SH2D4B: variants seen among roughly 807,000 people sequenced by gnomAD.
SH2D4B encodes SH2 domain-containing protein 4B.
Under a neutral mutation model 61.5 loss-of-function variants are expected in SH2D4B, and 45 were observed. The ratio of observed to expected loss-of-function variants is 0.73; its 90% CI spans 0.58 to 0.94. SH2D4B has a LOEUF of 0.94. SH2D4B is among the 40% of genes least tolerant of loss of function. The probability of loss-of-function intolerance (pLI) is 0.00; values close to 1 mark genes in which losing one functional copy is unlikely to be tolerated. For missense variants in SH2D4B, 572 were observed against 574.2 expected (o/e 1.00, Z 0.04); for synonymous variants, 224 against 220.4 (o/e 1.02, Z -0.14).
At chr10:80,544,617 T>G (rs184670386) in intron 1 of SH2D4B, among the ~76,000 whole-genome samples, 2 of 152,382 alleles carry the variant, frequency 1.3e-5, no homozygotes, top group Admixed American at 1.3e-4. Flanking sequence ...CAGGCATGGA[T>G]GTCCTGACCT....
intron 6 of SH2D4B, among the ~76,000 whole-genome samples, chr10:80,617,476 C>T (rs182820204): frequency 7.2e-5 from 11 of 152,318 alleles, no homozygotes; most frequent in East Asian, 3.9e-4. Flanking sequence ...CAAGAGAAGA[C>T]AGACTCCCTG....
intron 1 of SH2D4B, among the ~76,000 whole-genome samples, chr10:80,549,893 T>G (rs1205853077): frequency 6.6e-6 from 1 of 152,178 alleles, no homozygotes; most frequent in African/African-American, 2.4e-5. Context: ...CTGATGGCAC[T>G]TGGTACCTGG....
At chr10:80,562,894 CTTTTTTTTTTTTT>C (rs34539206) in intron 1 of SH2D4B, among the ~76,000 whole-genome samples, 52 of 74,700 alleles carry the variant, frequency 7.0e-4, no homozygotes, top group Non-Finnish European at 1.1e-3. Context: ...AACATTTTTT[CTTTTTTTTTTTTT>C]TTTTTTTTTT....
intron 4 of SH2D4B, among the ~76,000 whole-genome samples, chr10:80,599,553 T>G (rs1842421720): frequency 6.6e-6 from 1 of 152,130 alleles, no homozygotes; most frequent in African/African-American, 2.4e-5. Flanking sequence ...TGTGAAGTGC[T>G]CTGGTCTTAA....
At chr10:80,617,854 G>A (rs184566796) in intron 6 of SH2D4B, among the ~76,000 whole-genome samples, 4 of 152,342 alleles carry the variant, frequency 2.6e-5, no homozygotes, top group Non-Finnish European at 4.4e-5. Context: ...CTCAAATCCA[G>A]CAGAAGAAAG....
chr10:80,609,811 G>T (rs1450495214), intron 6 of SH2D4B, among the ~76,000 whole-genome samples: 1 of 152,130 alleles, frequency 6.6e-6, no homozygotes, highest in Non-Finnish European at 1.5e-5. Flanking sequence ...GCCACCAAGG[G>T]CCCCTCAGAG....
At chr10:80,593,901 C>T (rs1444392480) in intron 4 of SH2D4B, among the ~76,000 whole-genome samples, 1 of 152,176 alleles carries the variant, frequency 6.6e-6, no homozygotes, top group African/African-American at 2.4e-5. Context: ...CGTCAACTGC[C>T]TAGGCTCAAG....
chr10:80,546,022 C>CTCTT (rs202017723), intron 1 of SH2D4B, among the ~76,000 whole-genome samples: 1 of 143,794 alleles, frequency 7.0e-6, no homozygotes, highest in East Asian at 2.0e-4. Context: ...TTCTTTCTTT[C>CTCTT]TCTTTCTTTC....
chr10:80,593,471 T>C (rs528687473), intron 4 of SH2D4B, among the ~76,000 whole-genome samples: 8 of 152,368 alleles, frequency 5.3e-5, no homozygotes, highest in African/African-American at 1.7e-4. Flanking sequence ...ATAAATAGAA[T>C]AGTTTTCTTA....
At chr10:80,546,523 G>A (rs921450893) in intron 1 of SH2D4B, among the ~76,000 whole-genome samples, 1 of 131,892 alleles carries the variant, frequency 7.6e-6, no homozygotes, top group Non-Finnish European at 1.6e-5. Context: ...AATAGCATAC[G>A]GTATTTTTTT....
Position 80,588,701 on chromosome 10 carries a change from G to C in SH2D4B, c.567G>C (p.Glu189Asp). Residue 189 changes from glutamate (E) to aspartate (D), a missense_variant, in exon 4 of 8, where the codon GAG (glutamate) becomes GAC (aspartate). Physicochemically the swap from Glu to Asp is conservative, Grantham distance 45 (BLOSUM62 2). Transcript: ENST00000646907. The stretch of plus-strand genomic sequence containing the variant: ...TCCAGGAAGAGCAGAGGGCGAAGGA[G>C]CTCTACTGGACCCTGAAGCAGGCTC... ...IRLQEEQRAK[E>D]LYWTLKQAQL... 1 of 1,614,096 alleles carries C rather than the reference G, an allele frequency of 6.2e-7. No individual in the cohort carries two copies. The highest frequency in any genetic ancestry group is 8.5e-7 in the Non-Finnish European group (1 of 1,180,042).
In SH2D4B at chr10:80,603,613, C is replaced by T; in HGVS notation, c.678C>T (p.Ser226=). The change falls in exon 5 of 8, where the codon AGC becomes AGT. Residue 226 remains serine (S), a synonymous_variant. Transcript: ENST00000646907. ...RRSKAADEER[S]RRAQRARDEY... ...CCAAGGCGGCTGATGAGGAGAGGAG[C>T]CGCCGAGCCCAGCGCGCCCGGGACG... 2 of 1,575,478 alleles carry T rather than the reference C, an allele frequency of 1.3e-6. No homozygotes were observed. The highest frequency in any genetic ancestry group is 8.6e-7 in the Non-Finnish European group (1 of 1,160,874).
At chr10:80,564,117 T>C (rs532499111) in intron 1 of SH2D4B, among the ~76,000 whole-genome samples, 1 of 152,356 alleles carries the variant, frequency 6.6e-6, no homozygotes, top group Admixed American at 6.5e-5. Flanking sequence ...GTCTTTATGA[T>C]GTGTTTTTTG....
chr10:80,620,030 T>G (rs1842700590), intron 6 of SH2D4B, among the ~76,000 whole-genome samples: 2 of 152,240 alleles, frequency 1.3e-5, no homozygotes, highest in Non-Finnish European at 2.9e-5. Flanking sequence ...AACAGCAGTC[T>G]GCTGAGAGAC....
chr10:80,575,898 A>G (rs549514394), intron 3 of SH2D4B, among the ~76,000 whole-genome samples: 2 of 152,208 alleles, frequency 1.3e-5, no homozygotes, highest in Non-Finnish European at 2.9e-5. Context: ...TTCAAATCCA[A>G]CCCACAGTGG....
At chr10:80,564,920 A>G (rs967187141) in intron 1 of SH2D4B, among the ~76,000 whole-genome samples, 4 of 152,250 alleles carry the variant, frequency 2.6e-5, no homozygotes, top group African/African-American at 9.6e-5. Context: ...ATCGGGCAGC[A>G]CTCAGAATCA....
At chr10:80,604,285 C>T (rs1166431462) in intron 5 of SH2D4B, among the ~76,000 whole-genome samples, 1 of 152,146 alleles carries the variant, frequency 6.6e-6, no homozygotes, top group Admixed American at 6.5e-5. Flanking sequence ...GCAGGCGGGT[C>T]CTCACACACA....
At chr10:80,547,321 G>A (rs1024801986) in intron 1 of SH2D4B, among the ~76,000 whole-genome samples, 2 of 152,180 alleles carry the variant, frequency 1.3e-5, no homozygotes, top group African/African-American at 4.8e-5. Flanking sequence ...GTCATAATAT[G>A]TTCTTGGGAC....
At chr10:80,581,878 G>T (rs993174722) in intron 3 of SH2D4B, among the ~76,000 whole-genome samples, 2 of 152,064 alleles carry the variant, frequency 1.3e-5, no homozygotes, top group Non-Finnish European at 2.9e-5. Flanking sequence ...GTCAGGGGTG[G>T]GTCCTTTGGT....
Sources: gnomAD v4.1 joint callset for allele counts (sites outside exome capture counted in the v4.1 genomes callset) on GRCh38, gnomAD v4.1.1 for gene constraint, MANE v1.5 for transcripts, NCBI Gene and HGNC (gene_info 2026-07-23, HGNC 2026-07-21) for gene names.